EYS: variants seen among roughly 807,000 people sequenced by gnomAD.
EYS encodes EGF-like photoreceptor maintenance factor.
Under a neutral mutation model 282.1 loss-of-function variants are expected in EYS, and 250 were observed. The observed-to-expected ratio is 0.89, with a 90% CI of 0.80 to 0.98. The LOEUF (loss-of-function observed/expected upper bound fraction) is 0.98, where lower values mean the gene tolerates loss of function less well. Among genes scored for constraint, EYS ranks in the 50% least tolerant of loss-of-function variants. The probability of loss-of-function intolerance (pLI) is 0.00; values close to 1 mark genes in which losing one functional copy is unlikely to be tolerated. For synonymous variants in EYS, 1,355 were observed against 1,282.9 expected (o/e 1.06, Z -1.20); for missense variants, 4,016 against 3,709.0 (o/e 1.08, Z -2.15).
chr6:64,431,946 A>T (rs761523756), intron 28 of EYS, among the ~76,000 whole-genome samples: 1 of 152,158 alleles, frequency 6.6e-6, no homozygotes, highest in East Asian at 1.9e-4. Flanking sequence ...AGTCTTCTAA[A>T]GTGTCATGTC....
intron 2 of EYS, among the ~76,000 whole-genome samples, chr6:65,568,260 C>T (rs1290084706): frequency 6.6e-6 from 1 of 151,936 alleles, no homozygotes; most frequent in African/African-American, 2.4e-5. Flanking sequence ...TCTCCCATAA[C>T]CTGTTTTACC....
intron 30 of EYS, among the ~76,000 whole-genome samples, chr6:64,297,676 T>C (rs753863627): frequency 5.3e-5 from 8 of 152,160 alleles, no homozygotes; most frequent in Non-Finnish European, 1.2e-4. Context: ...GACAAAACAG[T>C]CCTTTCAGAA....
In EYS at chr6:65,240,425, C is replaced by CA. The variant is rs1767029975; in HGVS notation, c.2023+55437dup. Among the ~76,000 whole-genome samples the CA allele has an allele frequency of 1.3e-5, 2 of 152,018 alleles. 1 individual carries two copies. The highest frequency in any genetic ancestry group is 4.2e-4 in the South Asian group (2 of 4,816). ...AATGGTAGTTTTTTCAGCACTTGCC[C>CA]ACCTCCTTCCCTCCCAACCCTCTCT... On this transcript the variant is annotated intron_variant, in intron 12 of 42. Coordinates refer to ENST00000503581, the MANE Select transcript of EYS (RefSeq NM_001142800.2).
intron 35 of EYS, among the ~76,000 whole-genome samples, chr6:63,962,812 A>C (rs1766132152): frequency 6.6e-6 from 1 of 152,314 alleles, no homozygotes; most frequent in South Asian, 2.1e-4. Context: ...ATGCGCACGT[A>C]TGTTTATTGT....
At position 63,883,170 on chromosome 6, in the gene EYS, A is replaced by G. The variant is rs117896413; in HGVS notation, c.7056-18812T>C. ...TTTACATATGGAACCAAATTTTGGA[A>G]GCCGAAGTTGGAACTTTCTTACTAA... On this transcript the variant is annotated intron_variant, in intron 35 of 42. Coordinates refer to ENST00000503581, the MANE Select transcript of EYS (RefSeq NM_001142800.2). Among the ~76,000 whole-genome samples, 289 of 152,334 alleles carry G rather than the reference A, an allele frequency of 1.9e-3. 3 individuals carry two copies. In the East Asian group the frequency reaches 0.022, roughly 12 times the overall value.
intron 33 of EYS, among the ~76,000 whole-genome samples, chr6:64,025,181 G>A (rs577672992): frequency 5.3e-5 from 8 of 152,172 alleles, no homozygotes; most frequent in Middle Eastern, 3.4e-3. Context: ...CTAAAGACAC[G>A]GGTGCCAGGC....
chr6:65,035,655 A>G (rs1003575295), intron 13 of EYS, among the ~76,000 whole-genome samples: 1 of 151,940 alleles, frequency 6.6e-6, no homozygotes, highest in Non-Finnish European at 1.5e-5. Flanking sequence ...TGAGAATTTC[A>G]AAACACTGCT....
At chr6:64,868,036 T>C (rs994173956) in intron 19 of EYS, among the ~76,000 whole-genome samples, 1 of 151,452 alleles carries the variant, frequency 6.6e-6, no homozygotes, top group Non-Finnish European at 1.5e-5. Flanking sequence ...ATTGTTCGAA[T>C]ACTCATAAAA....
At chr6:65,220,602 T>C (rs751248594) in intron 12 of EYS, among the ~76,000 whole-genome samples, 15 of 152,180 alleles carry the variant, frequency 9.9e-5, no homozygotes, top group Non-Finnish European at 1.9e-4. Flanking sequence ...GTCTTGAGTA[T>C]GTCTTTATTA....
intron 22 of EYS, among the ~76,000 whole-genome samples, chr6:64,671,643 A>G (rs1271126613): frequency 1.3e-5 from 2 of 152,176 alleles, no homozygotes; most frequent in Non-Finnish European, 2.9e-5. Flanking sequence ...ATACAATTTA[A>G]TGATGAAAAT....
chr6:64,342,753 T>A (rs1184012358), intron 29 of EYS, among the ~76,000 whole-genome samples: 2 of 150,320 alleles, frequency 1.3e-5, no homozygotes, highest in South Asian at 2.1e-4. Context: ...ATGCTCCAAT[T>A]AAAAGGCAAA....
At chr6:64,593,817 T>C (rs1297812002) in intron 24 of EYS, among the ~76,000 whole-genome samples, 1 of 152,150 alleles carries the variant, frequency 6.6e-6, no homozygotes, top group Admixed American at 6.6e-5. Context: ...TAGTTTGACA[T>C]GAAAAGGCTA....
chr6:64,621,332 T>C (rs1465837150), intron 23 of EYS, among the ~76,000 whole-genome samples: 1 of 152,160 alleles, frequency 6.6e-6, no homozygotes, highest in Non-Finnish European at 1.5e-5. Context: ...TCTCTGCCCA[T>C]AGTGATTTCT....
intron 22 of EYS, among the ~76,000 whole-genome samples, chr6:64,654,797 A>C (rs887069987): frequency 6.6e-6 from 1 of 152,146 alleles, no homozygotes; most frequent in Admixed American, 6.5e-5. Context: ...TGTCACTGCA[A>C]ATTTATATAG....
At chr6:64,711,456 G>C (rs1318268046) in intron 22 of EYS, among the ~76,000 whole-genome samples, 2 of 152,218 alleles carry the variant, frequency 1.3e-5, no homozygotes, top group Admixed American at 1.3e-4. Flanking sequence ...AATAGTTTAT[G>C]TATTACATGC....
chr6:63,992,830 C>T (rs1242256620), intron 34 of EYS, among the ~76,000 whole-genome samples: 2 of 151,598 alleles, frequency 1.3e-5, no homozygotes, highest in African/African-American at 4.8e-5. Flanking sequence ...GGCTTTGTGT[C>T]CCCACCCAAA....
intron 2 of EYS, among the ~76,000 whole-genome samples, chr6:65,515,807 G>T (rs1365681712): frequency 1.9e-5 from 2 of 107,136 alleles, no homozygotes; most frequent in South Asian, 8.2e-4. Flanking sequence ...GGGGGGAGGG[G>T]GGAGGGATAG....
chr6:65,412,774 C>T (rs967811352), intron 5 of EYS, among the ~76,000 whole-genome samples: 8 of 151,968 alleles, frequency 5.3e-5, no homozygotes, highest in Non-Finnish European at 1.0e-4. Flanking sequence ...TATCACTTGT[C>T]TTTTAATCTT....
intron 14 of EYS, among the ~76,000 whole-genome samples, chr6:64,977,367 C>A (rs1770503564): frequency 6.6e-6 from 1 of 151,910 alleles, no homozygotes; most frequent in South Asian, 2.1e-4. Flanking sequence ...CACACCCATA[C>A]AAGATGGCAA....
Sources: gnomAD v4.1 joint callset for allele counts (sites outside exome capture counted in the v4.1 genomes callset) on GRCh38, gnomAD v4.1.1 for gene constraint, MANE v1.5 for transcripts, NCBI Gene and HGNC (gene_info 2026-07-23, HGNC 2026-07-21) for gene names.